The following GALNT14 variants were observed in gnomAD, a reference collection of about 807,000 sequenced individuals.
The protein encoded by GALNT14 is UDP-GalNAc:polypeptide N-acetylgalactosaminyltransferase 14.
Under a neutral mutation model 77.5 loss-of-function variants are expected in GALNT14, and 60 were observed. The observed-to-expected ratio is 0.77, with a 90% CI of 0.63 to 0.96. GALNT14 has a LOEUF of 0.96. Among genes scored for constraint, GALNT14 ranks in the 40% least tolerant of loss-of-function variants. GALNT14 has a pLI of 0.00. For synonymous variants in GALNT14, 280 were observed against 281.7 expected (o/e 0.99, Z 0.06); for missense variants, 710 against 731.0 (o/e 0.97, Z 0.33).
chr2:31,070,742 T>C (rs1467815463), intron 1 of GALNT14, among the ~76,000 whole-genome samples: 1 of 152,192 alleles, frequency 6.6e-6, no homozygotes, highest in Non-Finnish European at 1.5e-5. Context: ...AATCATTGCA[T>C]TGGTGGGATG....
At chr2:30,955,830 T>G in intron 5 of GALNT14, 82 bp downstream of exon 5, 1 of 1,608,148 alleles carries the variant, frequency 6.2e-7, no homozygotes, top group South Asian at 1.1e-5. Flanking sequence ...TCCCCACTGA[T>G]CACCCCAACA....
At chr2:31,078,888 T>A in intron 1 of GALNT14, 6 of 1,286,954 alleles carry the variant, frequency 4.7e-6, no homozygotes, top group Non-Finnish European at 6.1e-6. Flanking sequence ...AAAGCAGGGT[T>A]TGGGGACCAG....
chr2:31,101,676 C>T (rs1248248745), intron 1 of GALNT14, among the ~76,000 whole-genome samples: 1 of 152,070 alleles, frequency 6.6e-6, no homozygotes, highest in Non-Finnish European at 1.5e-5. Context: ...TATGCATCTG[C>T]ACTTGCTCCC....
At chr2:31,130,332 G>T (rs1678914855) in intron 1 of GALNT14, among the ~76,000 whole-genome samples, 1 of 152,212 alleles carries the variant, frequency 6.6e-6, no homozygotes, top group African/African-American at 2.4e-5. Context: ...AGAGGTGGCT[G>T]CTCCTGACCT....
At chr2:30,936,781 T>C (rs900859520) in intron 9 of GALNT14, among the ~76,000 whole-genome samples, 1 of 152,112 alleles carries the variant, frequency 6.6e-6, no homozygotes, top group African/African-American at 2.4e-5. Flanking sequence ...GCTGGGACAA[T>C]CAAGTCTCCA....
intron 1 of GALNT14, among the ~76,000 whole-genome samples, chr2:31,096,798 C>A (rs1473722890): frequency 3.3e-5 from 5 of 152,046 alleles, no homozygotes; most frequent in Non-Finnish European, 7.4e-5. Flanking sequence ...TGGTAACCAC[C>A]AACACACTAC....
chr2:30,983,194 G>C (rs1669092519), intron 2 of GALNT14, among the ~76,000 whole-genome samples: 1 of 152,148 alleles, frequency 6.6e-6, no homozygotes, highest in African/African-American at 2.4e-5. Context: ...AAAGTGATCT[G>C]TAAGGTGGGG....
At position 30,910,951 on chromosome 2, in the gene GALNT14, G is replaced by C. The variant is rs1432902177; in HGVS notation, c.1609C>G (p.Pro537Ala). Residue 537 changes from proline (P) to alanine (A), a missense_variant, in exon 15 of 15, where the codon CCA (proline) becomes GCA (alanine). By Grantham distance (27) the Pro-to-Ala change is conservative. Transcript: ENST00000349752. ...TENGKEIVVNPCESSLMSQHW... is the reference protein window; with the variant it reads ...TENGKEIVVNACESSLMSQHW... ...TGGCTCATGAGTGAGGACTCACATG[G>C]GTTGACGACGATTTCCTTGCCGTTC... 1 of 1,613,796 alleles carries C rather than the reference G, an allele frequency of 6.2e-7. No homozygotes were observed. Among genetic ancestry groups the C allele is most frequent in the African/African-American group, 1.3e-5 (1 of 74,822 alleles).
intron 1 of GALNT14, among the ~76,000 whole-genome samples, chr2:31,034,433 G>A (rs951203036): frequency 2.0e-5 from 3 of 152,144 alleles, no homozygotes; most frequent in African/African-American, 7.2e-5. Flanking sequence ...ATAGAATGCA[G>A]CCTAGCACCA....
chr2:31,023,066 A>G (rs993782927), intron 1 of GALNT14, among the ~76,000 whole-genome samples: 5 of 152,198 alleles, frequency 3.3e-5, no homozygotes, highest in Non-Finnish European at 5.9e-5. Context: ...GGCCTTGAAG[A>G]AGGGGTAACA....
intron 2 of GALNT14, among the ~76,000 whole-genome samples, chr2:30,971,460 T>C (rs1434193772): frequency 6.6e-6 from 1 of 152,112 alleles, no homozygotes; most frequent in Non-Finnish European, 1.5e-5. Context: ...GGGATCTCTA[T>C]ACGTGATGGC....
At chr2:31,060,247 C>G (rs953145164) in intron 1 of GALNT14, among the ~76,000 whole-genome samples, 1 of 152,106 alleles carries the variant, frequency 6.6e-6, no homozygotes, top group African/African-American at 2.4e-5. Flanking sequence ...CTATTGTGAC[C>G]ATTCAGTTTT....
chr2:30,966,322 G>A lies in GALNT14; in HGVS notation c.300-20C>T, dbSNP rs867658931. ...GTGCATCTGGGGAAGGAAAGGCACA[G>A]GGCAAGTGAGACCTTCAGGGACAAA... On this transcript the variant is annotated intron_variant, in intron 2 of 14. Transcript: ENST00000349752. 8.3e-6 allele frequency: 13 copies of A among 1,561,486 alleles called. No homozygotes were observed. The Middle Eastern group carries it at 8.4e-4, about 101-fold the overall frequency.
At chr2:30,894,432 C>T in the GALNT14 span, among the ~76,000 whole-genome samples, 7 of 152,152 alleles carry the variant, frequency 4.6e-5, no homozygotes, top group South Asian at 1.2e-3. Flanking sequence ...TCTGTTCATG[C>T]TCAGTATTCT....
chr2:31,003,109 ATTTATCTTC>A (rs761224171), intron 1 of GALNT14, among the ~76,000 whole-genome samples: 5 of 152,210 alleles, frequency 3.3e-5, no homozygotes, highest in East Asian at 1.9e-4. Flanking sequence ...TTGGCTTTCT[ATTTATCTTC>A]TGTGGGGGTT....
At chr2:30,993,451 T>C (rs938682028) in intron 1 of GALNT14, among the ~76,000 whole-genome samples, 2 of 152,332 alleles carry the variant, frequency 1.3e-5, no homozygotes, top group African/African-American at 4.8e-5. Flanking sequence ...ATACCTGGTA[T>C]GAAAGTGCTT....
chr2:31,064,085 A>T (rs1862982), intron 1 of GALNT14, among the ~76,000 whole-genome samples: 102,480 of 152,024 alleles, frequency 0.67, 36,162 homozygotes, highest in African/African-American at 0.9. Flanking sequence ...TTTGGCTCCA[A>T]GAGCATGCAG....
At chr2:31,031,809 G>T (rs1184895147) in intron 1 of GALNT14, among the ~76,000 whole-genome samples, 1 of 152,092 alleles carries the variant, frequency 6.6e-6, no homozygotes, top group Non-Finnish European at 1.5e-5. Context: ...TTCCATGGAG[G>T]GGCAGAGGCT....
chr2:31,021,726 C>G lies in GALNT14; in HGVS notation c.130-28719G>C, dbSNP rs12992859. Among the ~76,000 whole-genome samples the G allele has an allele frequency of 1.5e-3, 222 of 152,314 alleles. 1 individual carries two copies. Among genetic ancestry groups the G allele is most frequent in the South Asian group, 2.5e-3 (12 of 4,832 alleles). On this transcript the variant is annotated intron_variant, in intron 1 of 14. Transcript: ENST00000349752. ...GAGTAGTTGCAATCACTCTGCAGAC[C>G]ATCTGGCCCACAAAGCCCATAGTAT...
Sources: allele counts gnomAD v4.1 joint callset (sites outside exome capture counted in the v4.1 genomes callset), GRCh38; gene constraint gnomAD v4.1.1; transcripts MANE v1.5; gene names NCBI Gene and HGNC (gene_info 2026-07-23, HGNC 2026-07-21).